The following NARS2 variants were observed in gnomAD, a reference collection of about 807,000 sequenced individuals.
The protein encoded by NARS2 is asparaginyl-tRNA synthetase 2, mitochondrial.
NARS2 carries 60 observed loss-of-function variants against 62.9 expected under a neutral mutation model. The ratio of observed to expected loss-of-function variants is 0.95; its 90% CI spans 0.77 to 1.18. NARS2 has a LOEUF of 1.18. Ranked by LOEUF, NARS2 falls within the 50% of genes most tolerant of loss-of-function variation. NARS2 has a pLI of 0.00. For synonymous variants in NARS2, 196 were observed against 200.0 expected, an observed-to-expected ratio of 0.98 and a Z score of 0.17; for missense variants, 619 against 576.4, an observed-to-expected ratio of 1.07 and a Z score of -0.76.
chr11:78,527,334 A>G (rs909432168), intron 6 of NARS2, among the ~76,000 whole-genome samples: 5 of 152,116 alleles, frequency 3.3e-5, no homozygotes, highest in Non-Finnish European at 7.4e-5. Flanking sequence ...CATGTTTTTA[A>G]TTTTTTTAAA....
chr11:78,537,250 G>A (rs1230844222), intron 5 of NARS2, among the ~76,000 whole-genome samples: 1 of 152,170 alleles, frequency 6.6e-6, no homozygotes, highest in Non-Finnish European at 1.5e-5. Flanking sequence ...ACAAAAAAAT[G>A]TGCATGTGGA....
At chr11:78,440,467 G>A (rs1034801045) in intron 13 of NARS2, among the ~76,000 whole-genome samples, 1 of 152,144 alleles carries the variant, frequency 6.6e-6, no homozygotes, top group Non-Finnish European at 1.5e-5. Context: ...TGCCTAGGGA[G>A]TAATAAGAAG....
intron 11 of NARS2, among the ~76,000 whole-genome samples, chr11:78,451,186 T>C (rs1438317313): frequency 6.6e-6 from 1 of 152,250 alleles, no homozygotes; most frequent in Non-Finnish European, 1.5e-5. Context: ...ACATTTTGAA[T>C]ACACAGAGTG....
At chr11:78,551,573 G>A (rs759992309) in intron 5 of NARS2, among the ~76,000 whole-genome samples, 8 of 151,844 alleles carry the variant, frequency 5.3e-5, no homozygotes, top group South Asian at 2.1e-4. Flanking sequence ...GCTCCAGGCT[G>A]GGCGCGGTGG....
intron 1 of NARS2, among the ~76,000 whole-genome samples, chr11:78,572,959 A>G (rs952578629): frequency 6.6e-6 from 1 of 152,236 alleles, no homozygotes; most frequent in South Asian, 2.1e-4. Context: ...GGTAGCTACC[A>G]TATCAGACCT....
At chr11:78,457,427 T>C (rs528248696) in intron 11 of NARS2, among the ~76,000 whole-genome samples, 2 of 152,254 alleles carry the variant, frequency 1.3e-5, no homozygotes, top group Non-Finnish European at 2.9e-5. Flanking sequence ...AAACAGAATT[T>C]AGTCATCTGG....
intron 6 of NARS2, among the ~76,000 whole-genome samples, chr11:78,493,548 C>T (rs1186613000): frequency 6.6e-6 from 1 of 152,018 alleles, no homozygotes; most frequent in East Asian, 1.9e-4. Flanking sequence ...GGTCCAGCTA[C>T]TTGGGAGGCT....
intron 11 of NARS2, among the ~76,000 whole-genome samples, chr11:78,461,695 CA>C (rs1221759512): frequency 2.7e-5 from 4 of 146,900 alleles, no homozygotes; most frequent in Admixed American, 6.9e-5. Flanking sequence ...GCCTGTAATC[CA>C]AACACTTTAG....
chr11:78,487,181 C>A (rs1290514073), intron 7 of NARS2, among the ~76,000 whole-genome samples: 2 of 151,734 alleles, frequency 1.3e-5, no homozygotes, highest in Admixed American at 6.6e-5. Context: ...CATGGTGAAA[C>A]CCCGTCTCTG....
chr11:78,563,452 G>A (rs528513296), intron 4 of NARS2, among the ~76,000 whole-genome samples: 2 of 151,740 alleles, frequency 1.3e-5, no homozygotes, highest in South Asian at 2.1e-4. Flanking sequence ...TCTTGACCTC[G>A]TGATCTGCCT....
intron 5 of NARS2, chr11:78,558,302 A>G (rs1856438268): frequency 6.6e-6 from 1 of 152,222 alleles, no homozygotes; most frequent in Non-Finnish European, 1.5e-5. Flanking sequence ...AGTCATGTAT[A>G]ATGAAGACGG....
chr11:78,572,540 T>C (rs1193378959), intron 1 of NARS2, among the ~76,000 whole-genome samples: 4 of 152,194 alleles, frequency 2.6e-5, no homozygotes, highest in African/African-American at 7.2e-5. Flanking sequence ...AGGGAACACA[T>C]CTTTCAGGAC....
chr11:78,467,884 G>A (rs1161634522), intron 10 of NARS2, among the ~76,000 whole-genome samples: 1 of 151,936 alleles, frequency 6.6e-6, no homozygotes, highest in South Asian at 2.1e-4. Context: ...GTCTTTCTCT[G>A]TCACCTAGGC....
intron 10 of NARS2, among the ~76,000 whole-genome samples, chr11:78,467,791 C>T (rs1020029007): frequency 1.3e-5 from 2 of 152,020 alleles, no homozygotes; most frequent in Non-Finnish European, 2.9e-5. Context: ...TAATCTGTTA[C>T]ACAATGTATA....
At chr11:78,524,491 T>C (rs1861230465) in intron 6 of NARS2, among the ~76,000 whole-genome samples, 1 of 152,096 alleles carries the variant, frequency 6.6e-6, no homozygotes, top group South Asian at 2.1e-4. Flanking sequence ...CCTCTAATAA[T>C]AATAAACATT....
intron 12 of NARS2, among the ~76,000 whole-genome samples, chr11:78,443,283 C>T (rs994151907): frequency 2.0e-5 from 3 of 147,868 alleles, no homozygotes; most frequent in East Asian, 2.0e-4. Context: ...GCCAAGATCG[C>T]GCCACTGCAC....
chr11:78,540,924 C>A (rs1181027761), intron 5 of NARS2, among the ~76,000 whole-genome samples: 2 of 145,108 alleles, frequency 1.4e-5, no homozygotes, highest in Admixed American at 1.3e-4. Flanking sequence ...TTTGGGAGGC[C>A]AAGGTAGGCG....
intron 11 of NARS2, among the ~76,000 whole-genome samples, chr11:78,448,495 C>T (rs913577960): frequency 1.3e-5 from 2 of 151,872 alleles, no homozygotes; most frequent in South Asian, 2.1e-4. Flanking sequence ...TTCACTATGT[C>T]GGCCAGGCTG....
chr11:78,498,926 T>A (rs1202473642), intron 6 of NARS2, among the ~76,000 whole-genome samples: 1 of 44,150 alleles, frequency 2.3e-5, no homozygotes, highest in Non-Finnish European at 5.1e-5. Flanking sequence ...TGAGATGGAG[T>A]CTCGCTCTGT....
Sources: gnomAD v4.1 joint callset for allele counts (sites outside exome capture counted in the v4.1 genomes callset) on GRCh38, gnomAD v4.1.1 for gene constraint, MANE v1.5 for transcripts, NCBI Gene and HGNC (gene_info 2026-07-23, HGNC 2026-07-21) for gene names.